The following TYW1 variants were observed in gnomAD, a reference collection of about 807,000 sequenced individuals.
TYW1 encodes the protein S-adenosyl-L-methionine-dependent tRNA 4-demethylwyosine synthase TYW1.
A neutral mutation model predicts 96.2 loss-of-function variants in TYW1; 46 were observed. The ratio of observed to expected loss-of-function variants is 0.48; its 90% CI spans 0.38 to 0.61. TYW1 has a LOEUF of 0.61. Ranked by LOEUF, TYW1 falls within the 20% of genes least tolerant of loss-of-function variation. The probability of loss-of-function intolerance (pLI) is 0.00; values close to 1 mark genes in which losing one functional copy is unlikely to be tolerated. For synonymous variants in TYW1, 274 were observed against 323.0 expected (o/e 0.85, Z 1.63); for missense variants, 684 against 909.6 (o/e 0.75, Z 3.19).
At chr7:67,162,892 T>C (rs1799203787) in intron 13 of TYW1, among the ~76,000 whole-genome samples, 1 of 152,230 alleles carries the variant, frequency 6.6e-6, no homozygotes, top group Non-Finnish European at 1.5e-5. Context: ...TTAGATTTTT[T>C]AGAAAGCTCT....
At chr7:67,033,697 C>A (rs1288416704) in intron 7 of TYW1, among the ~76,000 whole-genome samples, 4 of 147,942 alleles carry the variant, frequency 2.7e-5, no homozygotes, top group Non-Finnish European at 4.5e-5. Flanking sequence ...TCTGGGGGAC[C>A]CTTTTTTTTT....
intron 13 of TYW1, among the ~76,000 whole-genome samples, chr7:67,124,404 A>AT (rs932715135): frequency 7.9e-5 from 12 of 150,982 alleles, no homozygotes; most frequent in African/African-American, 1.7e-4. Flanking sequence ...GGCTAAAAAT[A>AT]TTTTTTTTTG....
intron 4 of TYW1, among the ~76,000 whole-genome samples, chr7:67,012,272 C>T (rs1270702482): frequency 4.6e-5 from 7 of 151,902 alleles, no homozygotes; most frequent in Middle Eastern, 3.4e-3. Context: ...TGCTTAAACT[C>T]GGGAGGTGGA....
intron 13 of TYW1, among the ~76,000 whole-genome samples, chr7:67,182,041 C>CT (rs1256998342): frequency 6.6e-6 from 1 of 152,104 alleles, no homozygotes; most frequent in Non-Finnish European, 1.5e-5. Flanking sequence ...GTTGGCCAGG[C>CT]TGGTCTCAAA....
chr7:67,094,179 C>T (rs1181748825), intron 11 of TYW1, among the ~76,000 whole-genome samples: 4 of 152,166 alleles, frequency 2.6e-5, no homozygotes, highest in South Asian at 2.1e-4. Flanking sequence ...TGATTTTGTT[C>T]GTTTTTATGG....
chr7:67,149,722 ATATCTATC>A (rs59266321), intron 13 of TYW1, among the ~76,000 whole-genome samples: 1,622 of 140,202 alleles, frequency 0.012, 12 homozygotes, highest in African/African-American at 0.019. Flanking sequence ...AGGAAAAAAA[ATATCTATC>A]TATCTATCTA....
chr7:67,083,758 G>C (rs996774806), intron 11 of TYW1, among the ~76,000 whole-genome samples: 1 of 152,242 alleles, frequency 6.6e-6, no homozygotes, highest in African/African-American at 2.4e-5. Flanking sequence ...AACTTGGCCA[G>C]GTGTGCTGGC....
chr7:67,234,970 A>T (rs1481927168), intron 15 of TYW1, among the ~76,000 whole-genome samples: 1 of 150,146 alleles, frequency 6.7e-6, no homozygotes, highest in South Asian at 2.1e-4. Context: ...AAAAAAAAAA[A>T]TTTAAGTCCA....
chr7:67,051,415 C>T (rs1001176269), intron 8 of TYW1, among the ~76,000 whole-genome samples: 11 of 152,118 alleles, frequency 7.2e-5, no homozygotes, highest in Non-Finnish European at 1.6e-4. Context: ...TCAAGGAATC[C>T]TCCTGCCTCA....
At chr7:67,125,180 T>C (rs28390297) in intron 13 of TYW1, among the ~76,000 whole-genome samples, 1 of 152,206 alleles carries the variant, frequency 6.6e-6, no homozygotes, top group Non-Finnish European at 1.5e-5. Flanking sequence ...AACAGAGCTC[T>C]TCATTTTAAC....
At chr7:67,114,487 G>A (rs1797529187) in intron 12 of TYW1, 1 of 152,340 alleles carries the variant, frequency 6.6e-6, no homozygotes, top group African/African-American at 2.4e-5. Flanking sequence ...AAGATGAAGG[G>A]TCCTTACAGT....
intron 6 of TYW1, among the ~76,000 whole-genome samples, chr7:67,022,746 A>G (rs75734252): frequency 5.9e-5 from 9 of 152,328 alleles, no homozygotes; most frequent in Admixed American, 3.3e-4. Flanking sequence ...GCTGGGCTAA[A>G]TTAAAGAACA....
intron 7 of TYW1, among the ~76,000 whole-genome samples, chr7:67,028,054 G>A (rs554672544): frequency 1.3e-5 from 2 of 151,560 alleles, no homozygotes; most frequent in African/African-American, 4.8e-5. Flanking sequence ...GGCCAACATG[G>A]TGAAACCCCA....
chr7:67,135,302 G>GTTT (rs869257148), intron 13 of TYW1, among the ~76,000 whole-genome samples: 21 of 111,810 alleles, frequency 1.9e-4, no homozygotes, highest in Admixed American at 5.0e-4. Context: ...TGTTAAAACA[G>GTTT]TTTTTTTTTT....
intron 13 of TYW1, among the ~76,000 whole-genome samples, chr7:67,123,744 TG>T (rs1382575614): frequency 6.6e-6 from 1 of 152,180 alleles, no homozygotes; most frequent in African/African-American, 2.4e-5. Context: ...AGAATGAGTC[TG>T]GGAAGAATTT....
At chr7:67,224,495 C>G (rs1584717313) in intron 15 of TYW1, among the ~76,000 whole-genome samples, 1 of 152,352 alleles carries the variant, frequency 6.6e-6, no homozygotes, top group South Asian at 2.1e-4. Context: ...GCACTCCCAG[C>G]TGTTCCTGCT....
intron 15 of TYW1, among the ~76,000 whole-genome samples, chr7:67,231,631 T>C (rs1005156810): frequency 1.3e-5 from 2 of 152,188 alleles, no homozygotes; most frequent in East Asian, 1.9e-4. Context: ...CTTGCAGTAA[T>C]TGAGAACTCA....
At chr7:67,163,079 C>T (rs1247726436) in intron 13 of TYW1, among the ~76,000 whole-genome samples, 1 of 152,172 alleles carries the variant, frequency 6.6e-6, no homozygotes. Context: ...TTGTCCTTTT[C>T]CATACAATTC....
rs1164569290 is a variant in TYW1, at chr7:67,065,941, C to T, written c.1156-1344C>T. ...CAGGAGAACCGCTTGAACTGGGAGGCGGAGGGTGCAGTGAGTTGAGATCAC... is the reference window on the plus strand; with the variant it reads ...CAGGAGAACCGCTTGAACTGGGAGGTGGAGGGTGCAGTGAGTTGAGATCAC... On this transcript the variant is annotated intron_variant, in intron 9 of 15. Coordinates refer to ENST00000359626, the MANE Select transcript of TYW1 (RefSeq NM_018264.4). Among the ~76,000 whole-genome samples the T allele has an allele frequency of 7.3e-5, 11 of 151,006 alleles. No individual in the cohort carries two copies. The East Asian group carries it at 1.4e-3, about 19-fold the overall frequency.
Sources: allele counts gnomAD v4.1 joint callset (sites outside exome capture counted in the v4.1 genomes callset), GRCh38; gene constraint gnomAD v4.1.1; transcripts MANE v1.5; gene names NCBI Gene and HGNC (gene_info 2026-07-23, HGNC 2026-07-21).